The following ROCK1 variants were observed in gnomAD, a reference collection of about 807,000 sequenced individuals.
The protein encoded by ROCK1 is rho-associated protein kinase 1.
In ROCK1, 36 loss-of-function variants were observed where a neutral mutation model predicts 196.8. The ratio of observed to expected loss-of-function variants is 0.18; its 90% CI spans 0.14 to 0.24. ROCK1 has a LOEUF of 0.24. Among genes scored for constraint, ROCK1 ranks in the 10% least tolerant of loss-of-function variants. The probability of loss-of-function intolerance (pLI) is 1.00; values close to 1 mark genes in which losing one functional copy is unlikely to be tolerated. For missense variants in ROCK1, 920 were observed against 1,562.0 expected, an observed-to-expected ratio of 0.59 and a Z score of 6.93; for synonymous variants, 443 against 515.9, an observed-to-expected ratio of 0.86 and a Z score of 1.91.
At chr18:21,092,494 G>A (rs2036578885) in intron 1 of ROCK1, among the ~76,000 whole-genome samples, 2 of 149,794 alleles carry the variant, frequency 1.3e-5, no homozygotes, top group Non-Finnish European at 3.0e-5. Flanking sequence ...TGAGGTGGGA[G>A]GACTGCTTCA....
At chr18:21,002,209 T>C (rs1349574049) in intron 16 of ROCK1, among the ~76,000 whole-genome samples, 1 of 152,158 alleles carries the variant, frequency 6.6e-6, no homozygotes. Context: ...TGTCATATGC[T>C]ACAAAAGGAA....
At chr18:21,086,683 C>T (rs2036530756) in intron 1 of ROCK1, among the ~76,000 whole-genome samples, 1 of 151,102 alleles carries the variant, frequency 6.6e-6, no homozygotes, top group African/African-American at 2.4e-5. Context: ...AAGGAGCTGA[C>T]CAAACATCAA....
Position 21,110,997 on chromosome 18 carries a change from C to T in ROCK1, c.-87G>A. 8.7e-7 allele frequency: 1 copy of T among 1,153,962 alleles called. No individual in the cohort carries two copies. The highest frequency in any genetic ancestry group is 1.3e-6 in the Non-Finnish European group (1 of 775,694). The allele number at this position is 1,153,962 out of a possible 1,614,324, so 71.5% of individuals were successfully genotyped here. A position where few individuals can be genotyped will look rare whatever the true frequency, so the allele number is the denominator to read the frequency against. ...ACTTCCTCCGCGGTGGGTTCGCAGC[C>T]GCGGGGCGGAGGAGCCGGAACCTCA... On this transcript the variant is annotated 5_prime_UTR_variant, in exon 1 of 33. Transcript: ENST00000399799.
chr18:21,026,237 G>C (rs1302107941), intron 10 of ROCK1, among the ~76,000 whole-genome samples: 2 of 152,078 alleles, frequency 1.3e-5, no homozygotes, highest in African/African-American at 2.4e-5. Context: ...CTGAGGTCGG[G>C]AGTTCGAGAC....
At position 20,969,206 on chromosome 18, in the gene ROCK1, A is replaced by G. The variant is rs1476930077; in HGVS notation, c.2823T>C (p.Leu941=). 2 of 1,586,138 alleles carry G rather than the reference A, an allele frequency of 1.3e-6. No homozygotes were observed. Among genetic ancestry groups the G allele is most frequent in the Middle Eastern group, 1.7e-4 (1 of 6,012 alleles). Residue 941 remains leucine, a splice_region_variant and synonymous_variant, in exon 24 of 33, where the codon CTT becomes CTC. Transcript: ENST00000399799. The stretch of plus-strand genomic sequence containing the variant: ...TGGTTAGCATGCTGTTTGCTTCTTC[A>G]AGCTAAACAAAGCACACAAAAGTTT... ...ITDKDHTVSR[L]EEANSMLTKD...
intron 10 of ROCK1, among the ~76,000 whole-genome samples, chr18:21,025,469 G>T (rs149189365): frequency 4.6e-5 from 7 of 152,090 alleles, no homozygotes; most frequent in Non-Finnish European, 8.8e-5. Context: ...CCTGTAATCC[G>T]CTGGGATTAC....
intron 1 of ROCK1, among the ~76,000 whole-genome samples, chr18:21,076,024 AAGAC>A (rs1002983432): frequency 1.3e-5 from 2 of 152,124 alleles, no homozygotes; most frequent in Non-Finnish European, 2.9e-5. Flanking sequence ...ACAGAGAAGA[AAGAC>A]AGAATAGTAC....
At position 21,006,709 on chromosome 18, in the gene ROCK1, AACTGGG is replaced by A. The variant is rs762845882; in HGVS notation, c.1622_1627del (p.Ser541_Gln542del). ...ATTTGAAACACTTACCTGCTTTTGT[AACTGGG>A]ACAGCTTCTCATTAGCAAGCTGTGA... On this transcript the variant is annotated inframe_deletion, in exon 15 of 33. Coordinates refer to ENST00000399799, the MANE Select transcript of ROCK1 (RefSeq NM_005406.3). 6.2e-7 allele frequency: 1 copy of A among 1,600,396 alleles called. No homozygotes were observed. Among genetic ancestry groups the A allele is most frequent in the Admixed American group, 1.8e-5 (1 of 56,460 alleles).
At chr18:20,959,132 A>AT (rs1257505373) in intron 29 of ROCK1, among the ~76,000 whole-genome samples, 2 of 52,174 alleles carry the variant, frequency 3.8e-5, no homozygotes, top group African/African-American at 2.9e-4. Flanking sequence ...TATATATATT[A>AT]TATATATTAT....
intron 18 of ROCK1, among the ~76,000 whole-genome samples, chr18:20,988,093 T>C (rs1391997847): frequency 4.6e-5 from 7 of 152,046 alleles, no homozygotes. Flanking sequence ...TGAGATGGTG[T>C]CTCGCTCTGT....
chr18:21,079,289 T>C (rs1437733093), intron 1 of ROCK1, among the ~76,000 whole-genome samples: 1 of 152,184 alleles, frequency 6.6e-6, no homozygotes, highest in African/African-American at 2.4e-5. Flanking sequence ...TGGTCTGCTG[T>C]ATGGAGGCAT....
intron 29 of ROCK1, among the ~76,000 whole-genome samples, chr18:20,956,742 T>A (rs1312459142): frequency 6.6e-6 from 1 of 152,062 alleles, no homozygotes; most frequent in South Asian, 2.1e-4. Context: ...AATCAACAGG[T>A]AAGCAACAGA....
intron 1 of ROCK1, among the ~76,000 whole-genome samples, chr18:21,082,839 G>A (rs2036494057): frequency 6.6e-6 from 1 of 152,000 alleles, no homozygotes; most frequent in Non-Finnish European, 1.5e-5. Context: ...GAGCAATTAG[G>A]TAAGAAAAAG....
chr18:21,080,070 C>T (rs1250583540), intron 1 of ROCK1, among the ~76,000 whole-genome samples: 2 of 152,114 alleles, frequency 1.3e-5, no homozygotes, highest in Non-Finnish European at 2.9e-5. Flanking sequence ...GGTATGTGAT[C>T]CACGTGTGTT....
intron 12 of ROCK1, 129 bp downstream of exon 12, chr18:21,020,022 T>G (rs954819969): frequency 1.0e-5 from 5 of 496,974 alleles, no homozygotes; most frequent in Non-Finnish European, 1.7e-5. Flanking sequence ...ACATCATGAA[T>G]GTATTATCAG....
chr18:20,952,964 G>T (rs1162073965), intron 32 of ROCK1, among the ~76,000 whole-genome samples: 2 of 152,084 alleles, frequency 1.3e-5, no homozygotes, highest in African/African-American at 2.4e-5. Flanking sequence ...CACGCACCAG[G>T]GCCTGTCGAG....
intron 2 of ROCK1, among the ~76,000 whole-genome samples, chr18:21,064,799 C>A (rs2036320146): frequency 6.6e-6 from 1 of 152,178 alleles, no homozygotes; most frequent in Non-Finnish European, 1.5e-5. Flanking sequence ...TGTGGAAGAA[C>A]CTTGCTTTCT....
At chr18:21,092,624 G>T (rs763046688) in intron 1 of ROCK1, among the ~76,000 whole-genome samples, 2 of 139,268 alleles carry the variant, frequency 1.4e-5, no homozygotes, top group Non-Finnish European at 3.0e-5. Flanking sequence ...CTTCTTTTTA[G>T]CAAGTGTCAG....
chr18:21,102,238 T>C (rs796365983), intron 1 of ROCK1, among the ~76,000 whole-genome samples: 2 of 152,256 alleles, frequency 1.3e-5, no homozygotes, highest in African/African-American at 4.8e-5. Flanking sequence ...TTTTAACAAG[T>C]GCCTCAAGTG....
Sources: allele counts gnomAD v4.1 joint callset (sites outside exome capture counted in the v4.1 genomes callset), GRCh38; gene constraint gnomAD v4.1.1; transcripts MANE v1.5; gene names NCBI Gene and HGNC (gene_info 2026-07-23, HGNC 2026-07-21).